The following GSDME variants were observed in gnomAD, a reference collection of about 807,000 sequenced individuals.
GSDME encodes gasdermin E.
In GSDME, 44 loss-of-function variants were observed where a neutral mutation model predicts 47.5. The ratio of observed to expected loss-of-function variants is 0.93; its 90% CI spans 0.73 to 1.19. The LOEUF is 1.19. GSDME is among the 50% of genes most tolerant of loss of function. The pLI is 0.00. For synonymous variants in GSDME, 258 were observed against 252.8 expected (o/e 1.02, Z -0.20); for missense variants, 663 against 604.2 (o/e 1.10, Z -1.02).
At chr7:24,772,664 G>T in the GSDME span, among the ~76,000 whole-genome samples, 2 of 152,178 alleles carry the variant, frequency 1.3e-5, no homozygotes, top group Non-Finnish European at 2.9e-5. This position sits in a 1 kb window ranked among gnomAD's most constrained non-coding sequence, Gnocchi z 4.5. Flanking sequence ...TGATTTCATG[G>T]GCATATTTCT....
At chr7:24,758,036 G>A (rs1279601355), upstream of GSDME, 1 of 152,326 alleles carries the variant, frequency 6.6e-6, no homozygotes, top group East Asian at 1.9e-4. The surrounding 1 kb of genome is among the most constrained non-coding windows in gnomAD (Gnocchi z 4.6). Flanking sequence ...GCAAAACCAG[G>A]CGCTCTCACA....
At chr7:24,710,104 TTCTCA>T (rs1183345349) in intron 6 of GSDME, 115 bp downstream of exon 6, 7 of 1,150,482 alleles carry the variant, frequency 6.1e-6, no homozygotes, top group Non-Finnish European at 9.1e-6. Context: ...ATCACCTCTC[TTCTCA>T]TATGTTTTCT....
At position 24,745,805 on chromosome 7, in the gene GSDME, C is replaced by T. The variant is rs759138751; in HGVS notation, c.212-1051G>A. Reference sequence around the variant, plus strand: ...AGTGAGCAATGATCATGCCACTGCACGCCAGCCTGGGTGACAGAGCAACAC... The same window carrying T: ...AGTGAGCAATGATCATGCCACTGCATGCCAGCCTGGGTGACAGAGCAACAC... On this transcript the variant is annotated intron_variant, in intron 2 of 9. Coordinates refer to ENST00000645220, the MANE Select transcript of GSDME (RefSeq NM_001127453.2). This position sits in a 1 kb window ranked among gnomAD's most constrained non-coding sequence, Gnocchi z 4.4. Among the ~76,000 whole-genome samples the T allele has an allele frequency of 6.6e-6, 1 of 152,188 alleles. No homozygotes were observed. Among genetic ancestry groups the T allele is most frequent in the South Asian group, 2.1e-4 (1 of 4,810 alleles).
At chr7:24,710,968 T>C (rs2128050261) in intron 5 of GSDME, among the ~76,000 whole-genome samples, 1 of 152,362 alleles carries the variant, frequency 6.6e-6, no homozygotes, top group South Asian at 2.1e-4. Context: ...TGAATCTGTT[T>C]CTACAAAGGC....
At chr7:24,729,633 CAGG>C (rs2128057683) in intron 3 of GSDME, among the ~76,000 whole-genome samples, 1 of 152,320 alleles carries the variant, frequency 6.6e-6, no homozygotes, top group East Asian at 1.9e-4. Context: ...TCTGTGCAGA[CAGG>C]AGGAGTGAAC....
At chr7:24,727,074 G>A (rs1056443450) in intron 3 of GSDME, among the ~76,000 whole-genome samples, 10 of 152,208 alleles carry the variant, frequency 6.6e-5, no homozygotes, top group Non-Finnish European at 7.3e-5. Context: ...GGCTGAGTGT[G>A]GGCTGGAAGA....
Position 24,742,258 on chromosome 7 carries a change from A to T in GSDME, c.404+2304T>A. On this transcript the variant is annotated intron_variant, in intron 3 of 9. Coordinates refer to ENST00000645220, the MANE Select transcript of GSDME (RefSeq NM_001127453.2). The surrounding 1 kb of genome is among the most constrained non-coding windows in gnomAD (Gnocchi z 4.4). ...AAGACTTTTACATGATTTAGAGGAA[A>T]GAACAGGAGCTTTGGAGCCAGAAAA... 6.6e-6 allele frequency among the ~76,000 whole-genome samples: 1 copy of T among 152,232 alleles called. No homozygotes were observed. Among genetic ancestry groups the T allele is most frequent in the Non-Finnish European group, 1.5e-5 (1 of 68,044 alleles).
At chr7:24,711,752 T>C (rs1328443653) in intron 5 of GSDME, among the ~76,000 whole-genome samples, 3 of 148,012 alleles carry the variant, frequency 2.0e-5, no homozygotes, top group Non-Finnish European at 3.0e-5. Flanking sequence ...GAGGCGGAGG[T>C]TGCAGTGAGC....
chr7:24,748,020 A>G (rs559800652), intron 2 of GSDME, among the ~76,000 whole-genome samples: 38 of 152,160 alleles, frequency 2.5e-4, no homozygotes, highest in South Asian at 4.1e-4. Flanking sequence ...ATTAGGGTAC[A>G]TACACTCAAA....
At position 24,721,656 on chromosome 7, in the gene GSDME, G is replaced by A. The variant is rs1457736298; in HGVS notation, c.405-2438C>T. On this transcript the variant is annotated intron_variant, in intron 3 of 9. Transcript: ENST00000645220. The surrounding 1 kb of genome is among the most constrained non-coding windows in gnomAD (Gnocchi z 4.1). ...TAGCTGGCTCCGCCCACCTTCCCGTGTCCCTCTATGAGGCTCACAAAACAA... is the reference window on the plus strand; with the variant it reads ...TAGCTGGCTCCGCCCACCTTCCCGTATCCCTCTATGAGGCTCACAAAACAA... 6.6e-6 allele frequency among the ~76,000 whole-genome samples: 1 copy of A among 152,214 alleles called. No individual in the cohort carries two copies. The highest frequency in any genetic ancestry group is 6.5e-5 in the Admixed American group (1 of 15,284).
chr7:24,700,558 T>C (rs2257061), intron 9 of GSDME, among the ~76,000 whole-genome samples: 76,405 of 152,096 alleles, frequency 0.5, 22,636 homozygotes, highest in African/African-American at 0.82. Context: ...GGTGACTATC[T>C]TGAAAGTCAT....
chr7:24,768,922 T>G, the GSDME span, among the ~76,000 whole-genome samples: 1 of 152,222 alleles, frequency 6.6e-6, no homozygotes, highest in African/African-American at 2.4e-5. The surrounding 1 kb of genome is among the most constrained non-coding windows in gnomAD (Gnocchi z 5.6). Context: ...CCCTGGTATG[T>G]GCTTGGCACT....
Position 24,710,309 on chromosome 7 carries a change from G to T in GSDME, c.777C>A (p.Val259=), listed in dbSNP as rs560130669. 6.2e-7 allele frequency: 1 copy of T among 1,614,226 alleles called. No individual in the cohort carries two copies. The highest frequency in any genetic ancestry group is 2.2e-5 in the East Asian group (1 of 44,892). The stretch of plus-strand genomic sequence containing the variant: ...TGTCTATGAATGCAAACTCTCGAAA[G>T]ACCAGGGGGTCCAGGTAGACAGAGT... ...RIDSVYLDPL[V]FREFAFIDMP... The change falls in exon 6 of 10, where the codon GTC becomes GTA. Residue 259 remains valine, a synonymous_variant. Coordinates refer to ENST00000645220, the MANE Select transcript of GSDME (RefSeq NM_001127453.2).
chr7:24,749,269 A>T (rs1487572211), intron 2 of GSDME, among the ~76,000 whole-genome samples: 1 of 152,110 alleles, frequency 6.6e-6, no homozygotes, highest in Non-Finnish European at 1.5e-5. Flanking sequence ...TGGGAGACCG[A>T]GGTGGGTGGA....
Position 24,724,229 on chromosome 7 carries a change from T to C in GSDME, c.405-5011A>G, listed in dbSNP as rs147205487. 6.6e-6 allele frequency among the ~76,000 whole-genome samples: 1 copy of C among 151,896 alleles called. No homozygotes were observed. Among genetic ancestry groups the C allele is most frequent in the Non-Finnish European group, 1.5e-5 (1 of 67,988 alleles). ...GCCTTCTGGACAGACTGTAAGCTCC[T>C]GGAGGACAAAGTACTTGCTCTTTTT... is the stretch of plus-strand genomic sequence containing the variant. On this transcript the variant is annotated intron_variant, in intron 3 of 9. Transcript: ENST00000645220. This position sits in a 1 kb window ranked among gnomAD's most constrained non-coding sequence, Gnocchi z 4.8.
At chr7:24,718,714 C>T (rs1311617081) in intron 4 of GSDME, among the ~76,000 whole-genome samples, 6 of 152,166 alleles carry the variant, frequency 3.9e-5, no homozygotes, top group African/African-American at 1.4e-4. Context: ...CAGTCCTAGG[C>T]CCCCCTCACC....
intron 2 of GSDME, among the ~76,000 whole-genome samples, chr7:24,749,235 C>A (rs1790775513): frequency 6.6e-6 from 1 of 152,138 alleles, no homozygotes; most frequent in Non-Finnish European, 1.5e-5. Context: ...GGCATGGTGG[C>A]TGATGTGTGT....
intron 9 of GSDME, among the ~76,000 whole-genome samples, chr7:24,701,875 T>G (rs763960076): frequency 1.3e-5 from 2 of 152,234 alleles, no homozygotes; most frequent in Non-Finnish European, 2.9e-5. Context: ...GTCTTTGCTA[T>G]GCACAAAGGC....
In GSDME at chr7:24,757,038, T is replaced by C. The variant is rs1292190401; in HGVS notation, c.-20+358A>G. Among the ~76,000 whole-genome samples, 1 of 143,796 alleles carries C rather than the reference T, an allele frequency of 7.0e-6. No homozygotes were observed. Among genetic ancestry groups the C allele is most frequent in the Non-Finnish European group, 1.5e-5 (1 of 65,516 alleles). The allele number at this position is 143,796 out of a possible 152,430, so 94.3% of individuals were successfully genotyped here. On this transcript the variant is annotated intron_variant, in intron 1 of 9. Transcript: ENST00000645220. This position sits in a 1 kb window ranked among gnomAD's most constrained non-coding sequence, Gnocchi z 5.9. ...GATGAACGAATGGGGAGGGGGGGTT[T>C]GGGGGGTTGGGAGAACGAAAATACC...
Sources: allele counts gnomAD v4.1 joint callset (sites outside exome capture counted in the v4.1 genomes callset), GRCh38; gene constraint gnomAD v4.1.1; non-coding constraint Gnocchi (gnomAD v3.1); transcripts MANE v1.5; gene names NCBI Gene and HGNC (gene_info 2026-07-23, HGNC 2026-07-21).